ANKS1B: variants seen among roughly 807,000 people sequenced by gnomAD.
ANKS1B encodes ankyrin repeat and sterile alpha motif domain containing 1B, also known as ankyrin repeat and sterile alpha motif domain-containing protein 1B.
Under a neutral mutation model 148.3 loss-of-function variants are expected in ANKS1B, and 36 were observed. The observed-to-expected ratio is 0.24, with a 90% confidence interval of 0.19 to 0.32. The LOEUF is 0.32. Ranked by LOEUF, ANKS1B falls within the 10% of genes least tolerant of loss-of-function variation. ANKS1B has a pLI of 1.00. For missense variants in ANKS1B, 1,157 were observed against 1,542.6 expected (o/e 0.75, Z 4.19); for synonymous variants, 542 against 560.8 (o/e 0.97, Z 0.47).
chr12:99,157,666 G>A (rs2153827101), intron 14 of ANKS1B, among the ~76,000 whole-genome samples: 1 of 152,070 alleles, frequency 6.6e-6, no homozygotes, highest in African/African-American at 2.4e-5. Flanking sequence ...AAGGGGGAGG[G>A]TGGGAGAAGA....
chr12:99,031,841 G>C (rs1568455188), intron 17 of ANKS1B, among the ~76,000 whole-genome samples: 1 of 152,156 alleles, frequency 6.6e-6, no homozygotes, highest in Admixed American at 6.5e-5. Context: ...TTCAATCCCT[G>C]GTGGTCAGGT....
Position 99,387,334 on chromosome 12 carries a change from C to T in ANKS1B, c.1756+12297G>A, listed in dbSNP as rs146825223. Among the ~76,000 whole-genome samples the T allele has an allele frequency of 7.0e-3, 1,069 of 152,222 alleles. 15 individuals are homozygous for T. Among genetic ancestry groups the T allele is most frequent in the African/African-American group, 0.024 (987 of 41,544 alleles). On this transcript the variant is annotated intron_variant, in intron 12 of 26. Transcript: ENST00000683438. The stretch of plus-strand genomic sequence containing the variant: ...CGATTAGTGCCCTTATTAAAGAAGC[C>T]TGGCCGGGCGCGGTGGCTCACGCCT...
At chr12:99,088,853 T>TG (rs1266702392) in intron 15 of ANKS1B, among the ~76,000 whole-genome samples, 3 of 141,532 alleles carry the variant, frequency 2.1e-5, no homozygotes, top group African/African-American at 5.3e-5. Context: ...TTTTTTTTTT[T>TG]TTTTTTTTTG....
chr12:99,565,751 C>T (rs1252807633), intron 9 of ANKS1B, among the ~76,000 whole-genome samples: 1 of 152,118 alleles, frequency 6.6e-6, no homozygotes, highest in Non-Finnish European at 1.5e-5. Context: ...TTGTCTCTGA[C>T]CTTTTTAGAT....
At chr12:98,989,884 C>T (rs1388928256) in intron 17 of ANKS1B, among the ~76,000 whole-genome samples, 2 of 145,912 alleles carry the variant, frequency 1.4e-5, no homozygotes, top group African/African-American at 5.1e-5. Flanking sequence ...CAAAACAAGA[C>T]CCCATCTCTT....
intron 17 of ANKS1B, among the ~76,000 whole-genome samples, chr12:98,845,869 T>C (rs542503831): frequency 3.9e-4 from 59 of 152,158 alleles, no homozygotes; most frequent in African/African-American, 1.3e-3. Flanking sequence ...ATACAGAATG[T>C]ACAAAATTTT....
chr12:99,224,786 A>G (rs1281522676), intron 14 of ANKS1B, among the ~76,000 whole-genome samples: 1 of 152,224 alleles, frequency 6.6e-6, no homozygotes, highest in Non-Finnish European at 1.5e-5. Flanking sequence ...TGACCAACCC[A>G]GGTCATACAG....
At chr12:99,876,647 T>C (rs910503283) in intron 1 of ANKS1B, among the ~76,000 whole-genome samples, 1 of 151,890 alleles carries the variant, frequency 6.6e-6, no homozygotes, top group East Asian at 1.9e-4. Flanking sequence ...GGAGAATTGC[T>C]TGAACCCGGG....
chr12:98,768,460 C>T (rs1361720930), intron 25 of ANKS1B, among the ~76,000 whole-genome samples: 7 of 122,024 alleles, frequency 5.7e-5, no homozygotes, highest in Non-Finnish European at 6.7e-5. Flanking sequence ...AAAGGCCGGG[C>T]ACGGTGGCTC....
chr12:98,832,933 G>T (rs920887662), intron 17 of ANKS1B, among the ~76,000 whole-genome samples: 6 of 152,126 alleles, frequency 3.9e-5, no homozygotes, highest in African/African-American at 1.4e-4. Context: ...AGGGATTAAT[G>T]AATATGAAAG....
chr12:99,269,815 T>G (rs1483509259), intron 12 of ANKS1B, among the ~76,000 whole-genome samples: 1 of 152,156 alleles, frequency 6.6e-6, no homozygotes, highest in Non-Finnish European at 1.5e-5. Context: ...CGCCTCCACC[T>G]TCCAAAGTGC....
intron 2 of ANKS1B, among the ~76,000 whole-genome samples, chr12:99,820,501 A>G (rs1014106393): frequency 9.9e-5 from 15 of 151,970 alleles, no homozygotes; most frequent in Admixed American, 5.9e-4. Context: ...TATGGAAAAA[A>G]TCTAGAGCAG....
chr12:99,091,702 C>A (rs140067795), intron 15 of ANKS1B, among the ~76,000 whole-genome samples: 2 of 152,310 alleles, frequency 1.3e-5, no homozygotes, highest in African/African-American at 4.8e-5. Flanking sequence ...ACACTGATAG[C>A]AGTTGGTGTT....
chr12:99,655,036 T>C, intron 9 of ANKS1B, 31 bp downstream of exon 9: 1 of 1,514,434 alleles, frequency 6.6e-7, no homozygotes, highest in Non-Finnish European at 8.9e-7. Context: ...CATTTTTGTT[T>C]TATTGTACCT....
intron 17 of ANKS1B, among the ~76,000 whole-genome samples, chr12:98,964,984 A>C (rs987142558): frequency 6.6e-6 from 1 of 152,240 alleles, no homozygotes; most frequent in Non-Finnish European, 1.5e-5. Flanking sequence ...AACACAAAGA[A>C]AGGATAAATA....
intron 17 of ANKS1B, among the ~76,000 whole-genome samples, chr12:98,878,406 A>AAACAAAC (rs2099697297): frequency 9.3e-6 from 1 of 107,786 alleles, no homozygotes; most frequent in African/African-American, 3.9e-5. Flanking sequence ...AACAAACAAA[A>AAACAAAC]TGCCCCATTG....
chr12:99,959,478 T>C (rs1035335434), intron 1 of ANKS1B, among the ~76,000 whole-genome samples: 2 of 152,130 alleles, frequency 1.3e-5, no homozygotes, highest in Non-Finnish European at 2.9e-5. Flanking sequence ...ATCTATTGCA[T>C]ATATATTAAA....
intron 3 of ANKS1B, among the ~76,000 whole-genome samples, chr12:99,810,541 A>G (rs1459162452): frequency 1.3e-5 from 2 of 151,952 alleles, no homozygotes; most frequent in Admixed American, 6.6e-5. Flanking sequence ...TACTAAAATT[A>G]TGGTATTAAA....
At position 99,779,940 on chromosome 12, in the gene ANKS1B, T is replaced by G. The variant is rs369549626; in HGVS notation, c.778A>C (p.Arg260=). ...TCTTTCAGAATGTCCAAGACAGTTCTACCTAAGCTATCCTTTATGTTGGCA... is the reference window on the plus strand; with the variant it reads ...TCTTTCAGAATGTCCAAGACAGTTCGACCTAAGCTATCCTTTATGTTGGCA... ...IDANIKDSLG[R]TVLDILKEHP... is the part of the protein sequence containing the mutation. The change falls in exon 6 of 27, where the codon AGA becomes CGA. Residue 260 remains arginine (R), a synonymous_variant. Transcript: ENST00000683438. 7 of 1,610,862 alleles carry G rather than the reference T, an allele frequency of 4.3e-6. No individual in the cohort carries two copies. The highest frequency in any genetic ancestry group is 5.9e-6 in the Non-Finnish European group (7 of 1,179,300).
Sources: allele counts gnomAD v4.1 joint callset (sites outside exome capture counted in the v4.1 genomes callset), GRCh38; gene constraint gnomAD v4.1.1; transcripts MANE v1.5; gene names NCBI Gene and HGNC (gene_info 2026-07-23, HGNC 2026-07-21).